Variants in SEMA3A observed in about 807,000 individuals in gnomAD.
SEMA3A encodes semaphorin 3A.
In SEMA3A, 29 loss-of-function variants were observed where a neutral mutation model predicts 97.9. The ratio of observed to expected loss-of-function variants is 0.30; its 90% CI spans 0.22 to 0.40. SEMA3A has a LOEUF of 0.40. SEMA3A is among the 10% of genes least tolerant of loss of function. The probability of loss-of-function intolerance (pLI) is 1.00; values close to 1 mark genes in which losing one functional copy is unlikely to be tolerated. For synonymous variants in SEMA3A, 321 were observed against 323.7 expected, an observed-to-expected ratio of 0.99 and a Z score of 0.09; for missense variants, 763 against 951.3, an observed-to-expected ratio of 0.80 and a Z score of 2.60.
At chr7:84,435,751 A>G (rs1805110753) in intron 1 of SEMA3A, among the ~76,000 whole-genome samples, 1 of 152,212 alleles carries the variant, frequency 6.6e-6, no homozygotes, top group Non-Finnish European at 1.5e-5. Flanking sequence ...ATACCACCCA[A>G]AGCAATCTAC....
At chr7:84,300,436 T>C (rs1396796287) in intron 3 of SEMA3A, among the ~76,000 whole-genome samples, 1 of 152,060 alleles carries the variant, frequency 6.6e-6, no homozygotes, top group Non-Finnish European at 1.5e-5. Flanking sequence ...ATATCAGTGA[T>C]AAAAATAAAA....
chr7:84,398,641 T>G, intron 1 of SEMA3A, among the ~76,000 whole-genome samples: 1 of 150,530 alleles, frequency 6.6e-6, no homozygotes, highest in Admixed American at 6.7e-5. Context: ...TGTCTCTATA[T>G]AATTTTTTTT....
chr7:84,068,403 C>A (rs1583912018), intron 4 of SEMA3A, among the ~76,000 whole-genome samples: 1 of 142,968 alleles, frequency 7.0e-6, no homozygotes, highest in African/African-American at 2.6e-5. Context: ...TGCACATGTA[C>A]CCTAAAACTT....
At chr7:84,289,764 C>T (rs769214792) in intron 3 of SEMA3A, among the ~76,000 whole-genome samples, 60 of 152,080 alleles carry the variant, frequency 3.9e-4, no homozygotes, top group Non-Finnish European at 4.4e-5. Flanking sequence ...AGCAATTCCA[C>T]TTGTAGATAT....
At chr7:84,094,488 T>C (rs941307840) in intron 4 of SEMA3A, among the ~76,000 whole-genome samples, 2 of 152,158 alleles carry the variant, frequency 1.3e-5, no homozygotes, top group Non-Finnish European at 2.9e-5. Context: ...TTATTATATC[T>C]ACTTGTATTC....
At chr7:84,031,137 T>G (rs922369076) in intron 6 of SEMA3A, among the ~76,000 whole-genome samples, 3 of 151,682 alleles carry the variant, frequency 2.0e-5, no homozygotes, top group African/African-American at 7.3e-5. Context: ...GGACTACAGG[T>G]GTGTGCCACC....
intron 2 of SEMA3A, among the ~76,000 whole-genome samples, chr7:84,313,403 TATAA>T (rs1214830224): frequency 4.4e-5 from 5 of 113,704 alleles, no homozygotes; most frequent in African/African-American, 2.0e-4. Context: ...TATATATATA[TATAA>T]ACTATACGTG....
At chr7:84,113,880 A>G (rs1420281282) in intron 3 of SEMA3A, among the ~76,000 whole-genome samples, 1 of 152,280 alleles carries the variant, frequency 6.6e-6, no homozygotes, top group Non-Finnish European at 1.5e-5. Flanking sequence ...ACCCTTAGTG[A>G]CAAACCACTT....
At chr7:84,287,612 C>T (rs1233270562) in intron 3 of SEMA3A, among the ~76,000 whole-genome samples, 3 of 152,018 alleles carry the variant, frequency 2.0e-5, no homozygotes, top group South Asian at 2.1e-4. Flanking sequence ...TCTATATATT[C>T]GTTTACCTTG....
intron 1 of SEMA3A, among the ~76,000 whole-genome samples, chr7:84,465,250 AG>A (rs1805959616): frequency 6.6e-6 from 1 of 152,192 alleles, no homozygotes; most frequent in African/African-American, 2.4e-5. Flanking sequence ...TGGGAATAGC[AG>A]GATCTTCAAA....
chr7:83,956,155 T>C lies in SEMA3A; in HGVS notation c.*5216A>G, dbSNP rs1788274661. ...ACCTGCAGCATTGCTTGGCCATGAA[T>C]TACTCCATCTAAGGTATGCCTTGAA... On this transcript the variant is annotated 3_prime_UTR_variant, in exon 17 of 17. Transcript: ENST00000265362. The C allele has an allele frequency of 6.6e-6, 1 of 152,194 alleles. No homozygotes were observed. Among genetic ancestry groups the C allele is most frequent in the Non-Finnish European group, 1.5e-5 (1 of 68,022 alleles). 9.4% of individuals were successfully genotyped at this position (152,194 alleles called of 1,614,324 possible).
At chr7:84,423,864 A>G (rs569581126) in intron 1 of SEMA3A, among the ~76,000 whole-genome samples, 18 of 152,140 alleles carry the variant, frequency 1.2e-4, no homozygotes, top group Non-Finnish European at 2.1e-4. Flanking sequence ...ACATTTCTCA[A>G]ATGAAGATAT....
intron 1 of SEMA3A, among the ~76,000 whole-genome samples, chr7:84,379,567 A>G (rs2116133804): frequency 6.6e-6 from 1 of 152,322 alleles, no homozygotes; most frequent in Non-Finnish European, 1.5e-5. Flanking sequence ...ATATGAACAT[A>G]ATTGTATCTA....
intron 2 of SEMA3A, among the ~76,000 whole-genome samples, chr7:84,359,084 AC>A (rs1226370026): frequency 3.3e-5 from 5 of 152,166 alleles, no homozygotes; most frequent in Non-Finnish European, 7.3e-5. Context: ...TCATCTGCAG[AC>A]AGGGACAATT....
chr7:84,436,448 T>A (rs1805133129), intron 1 of SEMA3A, among the ~76,000 whole-genome samples: 1 of 152,156 alleles, frequency 6.6e-6, no homozygotes, highest in Non-Finnish European at 1.5e-5. Context: ...AAAGATCTAA[T>A]ATCCACAATC....
intron 14 of SEMA3A, among the ~76,000 whole-genome samples, chr7:83,977,788 C>CTTTTTTTTT (rs139682272): frequency 3.5e-5 from 5 of 141,064 alleles, no homozygotes; most frequent in Non-Finnish European, 7.6e-5. Context: ...TCAACCTATC[C>CTTTTTTTTT]TTTTTTTTTT....
intron 6 of SEMA3A, among the ~76,000 whole-genome samples, chr7:84,026,189 C>T (rs1418217271): frequency 6.6e-6 from 1 of 152,144 alleles, no homozygotes; most frequent in East Asian, 1.9e-4. Context: ...TCATCACGAA[C>T]ATCACTGTGG....
intron 2 of SEMA3A, among the ~76,000 whole-genome samples, chr7:84,310,791 T>C (rs1009726800): frequency 6.6e-6 from 1 of 152,096 alleles, no homozygotes; most frequent in Non-Finnish European, 1.5e-5. Flanking sequence ...CTGTTATTAA[T>C]ATTGCTAGAA....
In SEMA3A at chr7:83,977,158, AG is replaced by A; in HGVS notation, c.1690del (p.Leu564Ter). 6.3e-7 allele frequency: 1 copy of A among 1,592,078 alleles called. No homozygotes were observed. On this transcript the variant is annotated frameshift_variant, in exon 15 of 17. Transcript: ENST00000265362. LOFTEE classifies it high-confidence loss of function. The stretch of plus-strand genomic sequence containing the variant: ...ATGGTGTAAGTCTGAACAGTGAGTC[AG>A]TGGGTCTCCATTTCTTATATCTTGT... Reference protein sequence around the residue: ...RRQDIRNGDPLTHCSDLHHDN... With the variant: ...RRQDIRNGDPXTHCSDLHHDN...
Sources: allele counts gnomAD v4.1 joint callset (sites outside exome capture counted in the v4.1 genomes callset), GRCh38; gene constraint gnomAD v4.1.1; transcripts MANE v1.5; gene names NCBI Gene and HGNC (gene_info 2026-07-23, HGNC 2026-07-21).